The following ZNF143 variants were observed in gnomAD, a reference collection of about 807,000 sequenced individuals.
The protein encoded by ZNF143 is zinc finger protein 143, also known as SPH-binding factor.
A neutral mutation model predicts 74.1 loss-of-function variants in ZNF143; 49 were observed. The observed-to-expected ratio is 0.66, with a 90% CI of 0.53 to 0.84. The LOEUF is 0.84. Ranked by LOEUF, ZNF143 falls within the 40% of genes least tolerant of loss-of-function variation. The pLI is 0.00. For missense variants in ZNF143, 637 were observed against 793.4 expected (o/e 0.80, Z 2.37); for synonymous variants, 304 against 282.8 (o/e 1.07, Z -0.75).
intron 9 of ZNF143, 51 bp from the exon 10 acceptor site, chr11:9,497,624 A>C: frequency 7.1e-7 from 1 of 1,404,812 alleles, no homozygotes; most frequent in East Asian, 2.4e-5. Context: ...CTCAGTGTGC[A>C]TGTTTAGAGC....
chr11:9,527,569 G>A lies in ZNF143; in HGVS notation c.1873G>A (p.Ala625Thr). ...QPSLEEAIRI[A>T]SRIQQGETPG... ...ATCTCTGGAAGAAGCCATCAGAATA[G>A]CGTCTAGAATCCAACAAGGAGAAAC... Residue 625 changes from alanine (A) to threonine (T), a missense_variant, in exon 16 of 16, where the codon GCG (alanine) becomes ACG (threonine). Ala to Thr is a moderately conservative substitution (Grantham distance 58). Coordinates refer to ENST00000396602, the MANE Select transcript of ZNF143 (RefSeq NM_003442.6). 1 of 1,614,146 alleles carries A rather than the reference G, an allele frequency of 6.2e-7. No individual in the cohort carries two copies. The highest frequency in any genetic ancestry group is 2.2e-5 in the East Asian group (1 of 44,876).
In ZNF143 at chr11:9,477,534, C is replaced by T. The variant is rs149965812; in HGVS notation, c.374-856C>T. ...CCTCCCAAAGTGTTGGGATTACAGG[C>T]GTGAGCCACCACAAAAGGCCGCACT... is the stretch of plus-strand genomic sequence containing the variant. On this transcript the variant is annotated intron_variant, in intron 5 of 15. Transcript: ENST00000396602. Among the ~76,000 whole-genome samples the T allele has an allele frequency of 3.5e-3, 537 of 152,156 alleles. 3 individuals carry two copies. The highest frequency in any genetic ancestry group is 0.012 in the African/African-American group (503 of 41,524).
intron 7 of ZNF143, among the ~76,000 whole-genome samples, chr11:9,481,621 C>G (rs1326010577): frequency 2.6e-5 from 4 of 151,996 alleles, no homozygotes; most frequent in African/African-American, 9.7e-5. Context: ...GGTCCAGTGA[C>G]TCACGCCTGT....
chr11:9,476,890 G>A (rs536993663), intron 5 of ZNF143, among the ~76,000 whole-genome samples: 1 of 149,016 alleles, frequency 6.7e-6, no homozygotes, highest in Non-Finnish European at 1.5e-5. Context: ...CTTCGGAGTA[G>A]CTGGGACTAC....
intron 14 of ZNF143, among the ~76,000 whole-genome samples, chr11:9,517,592 CA>C (rs1327175187): frequency 1.3e-5 from 2 of 152,164 alleles, no homozygotes; most frequent in African/African-American, 4.8e-5. Context: ...ATGATAGTAT[CA>C]AACTTTTGAA....
chr11:9,509,131 C>G (rs1424017788), intron 12 of ZNF143, among the ~76,000 whole-genome samples: 1 of 152,064 alleles, frequency 6.6e-6, no homozygotes, highest in African/African-American at 2.4e-5. Context: ...GGAAGGGAAG[C>G]AGGAAGCAAA....
At chr11:9,474,056 A>G (rs200246537) in intron 4 of ZNF143, 32 bp downstream of exon 4, 10 of 1,541,922 alleles carry the variant, frequency 6.5e-6, no homozygotes, top group East Asian at 2.2e-5. Context: ...ACGGGAAACC[A>G]TTTTAATTCT....
At chr11:9,470,509 A>T (rs1856505640) in intron 1 of ZNF143, among the ~76,000 whole-genome samples, 1 of 152,138 alleles carries the variant, frequency 6.6e-6, no homozygotes, top group South Asian at 2.1e-4. Context: ...AGGGTAGGGA[A>T]TGAATAATGA....
At chr11:9,513,005 A>G (rs1278089820) in intron 13 of ZNF143, among the ~76,000 whole-genome samples, 1 of 152,236 alleles carries the variant, frequency 6.6e-6, no homozygotes, top group Non-Finnish European at 1.5e-5. Flanking sequence ...ATCAGGAATC[A>G]TGAGAGTTCA....
chr11:9,527,502 G>A (rs897570490), intron 15 of ZNF143, 28 bp from the exon 16 acceptor site: 9 of 1,606,426 alleles, frequency 5.6e-6, no homozygotes, highest in Non-Finnish European at 7.7e-6. Context: ...TGAATTGTTA[G>A]CGTTTGATGT....
At position 9,471,404 on chromosome 11, in the gene ZNF143, G is replaced by A; in HGVS notation, c.96G>A (p.Glu32=). The A allele has an allele frequency of 6.2e-7, 1 of 1,604,798 alleles. No homozygotes were observed. The highest frequency in any genetic ancestry group is 8.5e-7 in the Non-Finnish European group (1 of 1,176,100). The part of the protein sequence containing the change: ...EAQHVTLCLT[E]AVTVADGDNL... Reference sequence around the variant, plus strand: ...AACATGTTACGCTGTGCTTGACAGAGGCAGTCACCGTGGCAGGTGAGCAGT... The same window carrying A: ...AACATGTTACGCTGTGCTTGACAGAAGCAGTCACCGTGGCAGGTGAGCAGT... The change falls in exon 2 of 16, where the codon GAG becomes GAA. Residue 32 remains glutamate, a synonymous_variant. Coordinates refer to ENST00000396602, the MANE Select transcript of ZNF143 (RefSeq NM_003442.6).
chr11:9,522,410 T>G (rs1053486219), intron 14 of ZNF143, among the ~76,000 whole-genome samples: 4 of 152,134 alleles, frequency 2.6e-5, no homozygotes, highest in African/African-American at 4.8e-5. Flanking sequence ...AAAATTTAAA[T>G]TGTCTACTGC....
In ZNF143 at chr11:9,525,380, A is replaced by C. The variant is rs1394147309; in HGVS notation, c.1827A>C (p.Ala609=). The C allele has an allele frequency of 6.2e-7, 1 of 1,614,020 alleles. No homozygotes were observed. The highest frequency in any genetic ancestry group is 8.5e-7 in the Non-Finnish European group (1 of 1,180,000). The part of the protein sequence containing the change: ...LVATSNGTQI[A]VQLGEQPSLE... ...CAACATCCAATGGCACCCAGATTGCAGTTCAGGTGAGTACCAAGGCATACT... is the reference window on the plus strand; with the variant it reads ...CAACATCCAATGGCACCCAGATTGCCGTTCAGGTGAGTACCAAGGCATACT... Residue 609 remains alanine (A), a synonymous_variant, in exon 15 of 16, where the codon GCA becomes GCC. Transcript: ENST00000396602.
intron 11 of ZNF143, among the ~76,000 whole-genome samples, chr11:9,502,816 C>G (rs979169655): frequency 1.3e-5 from 2 of 151,756 alleles, no homozygotes; most frequent in Non-Finnish European, 2.9e-5. Flanking sequence ...TGGATATTTT[C>G]ATATAAATGA....
chr11:9,479,352 C>T (rs1432956437), intron 6 of ZNF143, 120 bp from the exon 7 acceptor site: 1 of 603,094 alleles, frequency 1.7e-6, no homozygotes, highest in Non-Finnish European at 2.7e-6. Flanking sequence ...ATAATGAAGC[C>T]CCATGTACTT....
chr11:9,464,757 T>TA (rs1380441046), intron 1 of ZNF143, among the ~76,000 whole-genome samples: 1 of 151,540 alleles, frequency 6.6e-6, no homozygotes, highest in Non-Finnish European at 1.5e-5. Context: ...CCGTCTCTAC[T>TA]AAAAAAATAC....
intron 1 of ZNF143, among the ~76,000 whole-genome samples, chr11:9,464,639 C>T (rs1050029533): frequency 2.6e-5 from 4 of 151,312 alleles, no homozygotes; most frequent in African/African-American, 9.7e-5. Flanking sequence ...GTGTTAATTA[C>T]ATAATAAGAA....
chr11:9,491,586 G>T (rs886507822), intron 7 of ZNF143, among the ~76,000 whole-genome samples: 1 of 151,864 alleles, frequency 6.6e-6, no homozygotes. Flanking sequence ...TACAGTGAGC[G>T]GAGATCGCAC....
chr11:9,484,608 T>G lies in ZNF143; in HGVS notation c.645+5062T>G, dbSNP rs150972345. Among the ~76,000 whole-genome samples the G allele has an allele frequency of 2.2e-3, 330 of 148,330 alleles. 14 individuals are homozygous for G. Among genetic ancestry groups the G allele is most frequent in the African/African-American group, 7.8e-3 (310 of 39,498 alleles). On this transcript the variant is annotated intron_variant, in intron 7 of 15. Transcript: ENST00000396602. ...ATCTTAGGGGCAAAAGTTTGGTGTT[T>G]TTTTTTTTTTGTTTATTTTTTGTTT...
Sources: allele counts gnomAD v4.1 joint callset (sites outside exome capture counted in the v4.1 genomes callset), GRCh38; gene constraint gnomAD v4.1.1; transcripts MANE v1.5; gene names NCBI Gene and HGNC (gene_info 2026-07-23, HGNC 2026-07-21).